Variants in SPOCK3 observed in about 807,000 individuals in gnomAD.
SPOCK3 encodes the protein testican-3.
Under a neutral mutation model 56.6 loss-of-function variants are expected in SPOCK3, and 30 were observed. That is an observed-to-expected ratio of 0.53 (90% confidence interval 0.40 to 0.72). SPOCK3 has a LOEUF of 0.72. SPOCK3 is among the 30% of genes least tolerant of loss of function. The pLI is 0.00. For synonymous variants in SPOCK3, 196 were observed against 183.3 expected (o/e 1.07, Z -0.56); for missense variants, 527 against 530.0 (o/e 0.99, Z 0.06).
chr4:167,011,357 A>G (rs1750045167), intron 3 of SPOCK3: 1 of 453,868 alleles, frequency 2.2e-6, no homozygotes, highest in Non-Finnish European at 4.4e-6. Flanking sequence ...ACCTATTCAA[A>G]CAACCTCTCT....
At chr4:167,043,017 T>G (rs1753370447) in intron 3 of SPOCK3, among the ~76,000 whole-genome samples, 1 of 152,084 alleles carries the variant, frequency 6.6e-6, no homozygotes, top group African/African-American at 2.4e-5. Context: ...ACCTCATCAC[T>G]TTTTCTGTCT....
chr4:166,980,268 T>C (rs1026572256), intron 4 of SPOCK3, among the ~76,000 whole-genome samples: 3 of 152,244 alleles, frequency 2.0e-5, no homozygotes, highest in Admixed American at 2.0e-4. Flanking sequence ...CTGGCATGCC[T>C]AGAATATCTG....
chr4:166,745,285 A>T (rs571524596), intron 8 of SPOCK3, among the ~76,000 whole-genome samples: 3 of 152,198 alleles, frequency 2.0e-5, no homozygotes, highest in Non-Finnish European at 4.4e-5. Context: ...CTAACAGCGG[A>T]TCTCTCAGCA....
intron 3 of SPOCK3, among the ~76,000 whole-genome samples, chr4:167,005,702 T>C (rs1384445848): frequency 6.6e-6 from 1 of 152,130 alleles, no homozygotes; most frequent in Non-Finnish European, 1.5e-5. Flanking sequence ...TCCTTTAAAA[T>C]ACTGACTTAC....
intron 4 of SPOCK3, among the ~76,000 whole-genome samples, chr4:166,970,737 A>T (rs1745287329): frequency 1.5e-5 from 1 of 65,964 alleles, no homozygotes; most frequent in African/African-American, 1.7e-4. Flanking sequence ...AAGAAAAAGA[A>T]AAAAAAAAAA....
chr4:166,794,338 A>G lies in SPOCK3; in HGVS notation c.590-2049T>C, dbSNP rs374424275. Among the ~76,000 whole-genome samples, 6 of 152,106 alleles carry G rather than the reference A, an allele frequency of 3.9e-5. No homozygotes were observed. The East Asian group carries it at 1.2e-3, about 29-fold the overall frequency. On this transcript the variant is annotated intron_variant, in intron 6 of 10. Transcript: ENST00000357545. ...CCCTTAAAGGGATAGGCACAAGAAA[A>G]CAAAAACCTACTTGAAAAGGAGGAA... is the stretch of plus-strand genomic sequence containing the variant.
chr4:167,059,656 A>G (rs1173165201), intron 3 of SPOCK3, among the ~76,000 whole-genome samples: 3 of 152,118 alleles, frequency 2.0e-5, no homozygotes, highest in Non-Finnish European at 4.4e-5. Flanking sequence ...TACTGGGTAT[A>G]TACCCAAAGG....
intron 2 of SPOCK3, among the ~76,000 whole-genome samples, chr4:167,165,238 G>A (rs1765656658): frequency 6.6e-6 from 1 of 152,082 alleles, no homozygotes; most frequent in South Asian, 2.1e-4. Context: ...AAGAGCTTCT[G>A]CACAGCAAAA....
chr4:166,806,075 A>C lies in SPOCK3; in HGVS notation c.590-13786T>G, dbSNP rs77897988. ...GTTATTTAAAAGCAATGTTGAAAAA[A>C]ATGCTTAAATTATGTGATATTGTTA... On this transcript the variant is annotated intron_variant, in intron 6 of 10. Coordinates refer to ENST00000357545, the MANE Select transcript of SPOCK3 (RefSeq NM_001040159.2). 2.6e-3 allele frequency among the ~76,000 whole-genome samples: 394 copies of C among 152,232 alleles called. 10 individuals are homozygous for C. The East Asian group carries it at 0.059, about 23-fold the overall frequency.
chr4:167,194,024 A>G (rs1732704204), intron 2 of SPOCK3, among the ~76,000 whole-genome samples: 1 of 152,172 alleles, frequency 6.6e-6, no homozygotes, highest in Admixed American at 6.6e-5. Context: ...GGTATCCGAT[A>G]GGTCCAGTAT....
At chr4:166,854,616 AT>A (rs1730468724) in intron 6 of SPOCK3, among the ~76,000 whole-genome samples, 1 of 152,230 alleles carries the variant, frequency 6.6e-6, no homozygotes, top group Non-Finnish European at 1.5e-5. Flanking sequence ...TAAGAATTTA[AT>A]TACTGAAAAA....
chr4:167,118,115 A>G (rs929327898), intron 2 of SPOCK3, among the ~76,000 whole-genome samples: 1 of 152,164 alleles, frequency 6.6e-6, no homozygotes, highest in Non-Finnish European at 1.5e-5. Flanking sequence ...TTTCAGTATT[A>G]TAACACCCTC....
intron 2 of SPOCK3, among the ~76,000 whole-genome samples, chr4:167,072,934 A>G (rs1298884691): frequency 6.6e-6 from 1 of 151,872 alleles, no homozygotes; most frequent in Non-Finnish European, 1.5e-5. Flanking sequence ...AGTACTAAAA[A>G]TGTGCTTCTA....
chr4:166,806,705 T>A (rs1439194490), intron 6 of SPOCK3, among the ~76,000 whole-genome samples: 1 of 152,140 alleles, frequency 6.6e-6, no homozygotes, highest in Non-Finnish European at 1.5e-5. Flanking sequence ...TAGTGTTTCA[T>A]ACTATTAATG....
chr4:166,873,381 T>C (rs1027706473), intron 6 of SPOCK3, among the ~76,000 whole-genome samples: 5 of 152,120 alleles, frequency 3.3e-5, no homozygotes, highest in African/African-American at 7.2e-5. Flanking sequence ...AGAGTGAACC[T>C]GAATGTAAAC....
chr4:166,794,697 C>G (rs574554840), intron 6 of SPOCK3, among the ~76,000 whole-genome samples: 1 of 139,096 alleles, frequency 7.2e-6, no homozygotes, highest in South Asian at 2.2e-4. Context: ...TGCTGGGATG[C>G]AGAGGCACAG....
intron 6 of SPOCK3, among the ~76,000 whole-genome samples, chr4:166,852,454 T>G (rs1321289710): frequency 2.0e-5 from 3 of 152,142 alleles, no homozygotes; most frequent in Non-Finnish European, 4.4e-5. Flanking sequence ...CCATTAGGCT[T>G]TCTTCACTAA....
chr4:167,151,016 T>C (rs1008849265), intron 2 of SPOCK3, among the ~76,000 whole-genome samples: 16 of 152,194 alleles, frequency 1.1e-4, no homozygotes, highest in African/African-American at 3.6e-4. Flanking sequence ...GAAGACAATA[T>C]TGCATCTGAG....
chr4:166,888,854 T>C (rs188901802), intron 6 of SPOCK3, among the ~76,000 whole-genome samples: 1 of 152,128 alleles, frequency 6.6e-6, no homozygotes, highest in African/African-American at 2.4e-5. Context: ...GACACAACTG[T>C]TTATAGAATG....
Sources: allele counts gnomAD v4.1 joint callset (sites outside exome capture counted in the v4.1 genomes callset), GRCh38; gene constraint gnomAD v4.1.1; transcripts MANE v1.5; gene names NCBI Gene and HGNC (gene_info 2026-07-23, HGNC 2026-07-21).